The following PIN4 variants were observed in gnomAD, a reference collection of about 807,000 sequenced individuals.
PIN4 encodes the protein peptidylprolyl cis/trans isomerase, NIMA-interacting 4.
Under a neutral mutation model 8.3 loss-of-function variants are expected in PIN4, and 3 were observed. The observed-to-expected ratio is 0.36, with a 90% CI of 0.16 to 0.93. The LOEUF is 0.93. PIN4 is among the 40% of genes least tolerant of loss of function. The pLI is 0.44. For missense variants in PIN4, 75 were observed against 100.6 expected, an observed-to-expected ratio of 0.75 and a Z score of 1.09; for synonymous variants, 18 against 32.5, an observed-to-expected ratio of 0.55 and a Z score of 1.52.
intron 3 of PIN4, among the ~76,000 whole-genome samples, chrX:72,241,620 C>T (rs961907196): frequency 3.6e-5 from 4 of 112,112 alleles, no homozygotes; most frequent in East Asian, 2.8e-4. Flanking sequence ...GTCGGGAGTT[C>T]GAGACCAGCC....
At chrX:72,257,390 T>C (rs980481136) in intron 3 of PIN4, among the ~76,000 whole-genome samples, 4 of 110,396 alleles carry the variant, frequency 3.6e-5, no homozygotes, top group Non-Finnish European at 7.6e-5. Flanking sequence ...CCCTCTGGCT[T>C]CTGTGTGGTG....
At chrX:72,234,201 A>C (rs909206286) in intron 3 of PIN4, among the ~76,000 whole-genome samples, 8 of 112,458 alleles carry the variant, frequency 7.1e-5, no homozygotes, top group African/African-American at 2.6e-4. Flanking sequence ...TTATCTTAGA[A>C]GATATGAGGA....
chrX:72,207,796 T>C lies in PIN4; in HGVS notation c.312+10892T>C, dbSNP rs769270474. ...GTCTTCTTTAGTCCTCCTGAGAAAATAGGGTTTTATGATTGCCATTAAGTT... is the reference window on the plus strand; with the variant it reads ...GTCTTCTTTAGTCCTCCTGAGAAAACAGGGTTTTATGATTGCCATTAAGTT... On this transcript the variant is annotated intron_variant, in intron 3 of 3. Transcript: ENST00000423432. The C allele has an allele frequency of 1.7e-6, 2 of 1,209,965 alleles. No homozygotes were observed. The highest frequency in any genetic ancestry group is 1.8e-5 in the South Asian group (1 of 56,365).
At chrX:72,242,748 G>A (rs2043053657) in intron 3 of PIN4, among the ~76,000 whole-genome samples, 1 of 112,748 alleles carries the variant, frequency 8.9e-6, no homozygotes, top group Admixed American at 9.4e-5. Flanking sequence ...GGGCTCAGTG[G>A]CTCACGCCTG....
At chrX:72,221,008 C>T (rs1224650964) in intron 3 of PIN4, among the ~76,000 whole-genome samples, 1 of 111,483 alleles carries the variant, frequency 9.0e-6, no homozygotes, top group Non-Finnish European at 1.9e-5. Flanking sequence ...TCACCTGCCC[C>T]GTCTTTTCTC....
chrX:72,214,986 C>CAAAA, intron 3 of PIN4, among the ~76,000 whole-genome samples: 1 of 110,960 alleles, frequency 9.0e-6, no homozygotes, highest in East Asian at 2.8e-4. Flanking sequence ...GACTCTGACT[C>CAAAA]AAAACAAACA....
At chrX:72,209,546 G>GC (rs1372952448) in intron 3 of PIN4, among the ~76,000 whole-genome samples, 3 of 111,159 alleles carry the variant, frequency 2.7e-5, no homozygotes, top group Non-Finnish European at 5.7e-5. Context: ...TTCTTTTTAT[G>GC]CCCCACCCCC....
chrX:72,197,844 C>T lies in PIN4; in HGVS notation c.*318C>T. 1 of 776,445 alleles carries T rather than the reference C, an allele frequency of 1.3e-6. No individual in the cohort carries two copies. The highest frequency in any genetic ancestry group is 1.5e-6 in the Non-Finnish European group (1 of 651,906). The allele number at this position is 776,445 out of a possible 1,213,427, so 64.0% of individuals were successfully genotyped here. ...CTGTCCCATAAATTAATTCAGAAAC[C>T]ATCTTCAGGGGAAGCAGATATCAAC... On this transcript the variant is annotated 3_prime_UTR_variant, in exon 4 of 4. Transcript: ENST00000373669.
At chrX:72,251,153 C>T (rs2043085564) in intron 3 of PIN4, among the ~76,000 whole-genome samples, 2 of 103,832 alleles carry the variant, frequency 1.9e-5, no homozygotes, top group Non-Finnish European at 4.0e-5. Flanking sequence ...GTCAGGAGAT[C>T]GAGACCATCC....
At chrX:72,239,022 G>A (rs1181135960) in intron 3 of PIN4, 1 of 785,146 alleles carries the variant, frequency 1.3e-6, no homozygotes, top group South Asian at 2.5e-5. Context: ...CTCCCGCCCC[G>A]CGCATGCTCT....
chrX:72,252,391 CT>C (rs773854414), intron 3 of PIN4, among the ~76,000 whole-genome samples: 9 of 102,288 alleles, frequency 8.8e-5, no homozygotes, highest in African/African-American at 1.4e-4. Context: ...CTTTTCTTTT[CT>C]TTTTTTTTTG....
rs1253456967 is a variant in PIN4 at position 72,217,875 on chromosome X, T to C, written c.312+20971T>C. 4.5e-5 allele frequency among the ~76,000 whole-genome samples: 5 copies of C among 112,347 alleles called. No homozygotes were observed. The South Asian group carries it at 1.1e-3, about 25-fold the overall frequency. On this transcript the variant is annotated intron_variant, in intron 3 of 3. Transcript: ENST00000423432. ...TTCCATTGATCTATATCTATACTTATGCAAGTACCACACTGTCTTGACTAC... is the reference window on the plus strand; with the variant it reads ...TTCCATTGATCTATATCTATACTTACGCAAGTACCACACTGTCTTGACTAC...
At chrX:72,186,334 G>C in intron 1 of PIN4, 127 bp from the exon 2 acceptor site, 4 of 534,234 alleles carry the variant, frequency 7.5e-6, no homozygotes, top group Non-Finnish European at 1.3e-5. Flanking sequence ...TTGTTGTAAA[G>C]TGTCTGGCCG....
At chrX:72,185,152 A>AAAAAAAAAAAAC (rs2042694486) in intron 1 of PIN4, among the ~76,000 whole-genome samples, 1 of 102,851 alleles carries the variant, frequency 9.7e-6, no homozygotes, top group East Asian at 3.0e-4. Flanking sequence ...CGTCTCAAAA[A>AAAAAAAAAAAAC]AAAAAAAAAA....
intron 3 of PIN4, among the ~76,000 whole-genome samples, chrX:72,235,552 C>G (rs1294147764): frequency 9.0e-6 from 1 of 110,742 alleles, no homozygotes; most frequent in Non-Finnish European, 1.9e-5. Flanking sequence ...TGTACCACCA[C>G]GTCCAGCTTA....
chrX:72,230,166 C>T (rs1275795671), intron 3 of PIN4, among the ~76,000 whole-genome samples: 1 of 108,028 alleles, frequency 9.3e-6, no homozygotes, highest in African/African-American at 3.4e-5. Flanking sequence ...CAGAGCAAGA[C>T]TCCGACTCAA....
chrX:72,202,872 G>T (rs367792617), downstream of PIN4, among the ~76,000 whole-genome samples: 1 of 111,208 alleles, frequency 9.0e-6, no homozygotes. Context: ...ATAAATATTT[G>T]GTCTTTGTCC....
At position 72,251,255 on chromosome X, in the gene PIN4, C is replaced by T. The variant is rs1411643160; in HGVS notation, c.313-11452C>T. ...GCGGGCGCCTGTAGTCCCAGCTACT[C>T]GGGAGGCTGAGGCAGGAGAATGGCC... is the stretch of plus-strand genomic sequence containing the variant. On this transcript the variant is annotated intron_variant, in intron 3 of 3. Coordinates refer to the PIN4 transcript ENST00000423432. 1.2e-3 allele frequency among the ~76,000 whole-genome samples: 120 copies of T among 103,992 alleles called. 2 individuals are homozygous for T. The highest frequency in any genetic ancestry group is 2.4e-3 in the African/African-American group (68 of 28,014). 90.3% of individuals were successfully genotyped at this position (103,992 alleles called of 115,157 possible). A position where few individuals can be genotyped will look rare whatever the true frequency, so the allele number is the denominator to read the frequency against.
At chrX:72,254,149 C>T (rs1457072616) in intron 3 of PIN4, among the ~76,000 whole-genome samples, 1 of 111,924 alleles carries the variant, frequency 8.9e-6, no homozygotes, top group African/African-American at 3.2e-5. Flanking sequence ...CTACAGGTCC[C>T]TGTGTGATTT....
Sources: allele counts gnomAD v4.1 joint callset (sites outside exome capture counted in the v4.1 genomes callset), GRCh38; gene constraint gnomAD v4.1.1; transcripts MANE v1.5; gene names NCBI Gene and HGNC (gene_info 2026-07-23, HGNC 2026-07-21).